HMGB1: variants seen among roughly 807,000 people sequenced by gnomAD.
The protein encoded by HMGB1 is high mobility group box 1.
For synonymous variants in HMGB1, 81 were observed against 84.0 expected, an observed-to-expected ratio of 0.96 and a Z score of 0.19; for missense variants, 79 against 253.5, an observed-to-expected ratio of 0.31 and a Z score of 4.67.
chr13:30,538,668 C>CTTTT (rs1566019170), intron 1 of HMGB1, among the ~76,000 whole-genome samples: 1 of 19,658 alleles, frequency 5.1e-5, no homozygotes, highest in South Asian at 1.6e-3. Context: ...TCTTTCCTTT[C>CTTTT]TTTCTTTCTT....
chr13:30,580,322 T>C (rs957561870), intron 1 of HMGB1, among the ~76,000 whole-genome samples: 1 of 152,208 alleles, frequency 6.6e-6, no homozygotes, highest in African/African-American at 2.4e-5. Context: ...TAAATCCCTA[T>C]ATTGCATTTA....
At chr13:30,612,746 C>G (rs943784882) in intron 1 of HMGB1, among the ~76,000 whole-genome samples, 1 of 151,972 alleles carries the variant, frequency 6.6e-6, no homozygotes, top group African/African-American at 2.4e-5. Flanking sequence ...GTTTCTTTAT[C>G]TGCACTTAAT....
At chr13:30,571,419 C>T (rs202031179) in intron 1 of HMGB1, among the ~76,000 whole-genome samples, 1 of 152,024 alleles carries the variant, frequency 6.6e-6, no homozygotes, top group Non-Finnish European at 1.5e-5. Flanking sequence ...CTCAGCCTCC[C>T]AAGTAGCTGG....
At chr13:30,558,879 A>C (rs1249915120) in intron 1 of HMGB1, among the ~76,000 whole-genome samples, 1 of 152,168 alleles carries the variant, frequency 6.6e-6, no homozygotes, top group East Asian at 1.9e-4. Flanking sequence ...GTTTTTCACA[A>C]GCCTCCAAGG....
rs147539330 is a variant in HMGB1, at chr13:30,616,046, T to C, written c.-15+625A>G. 1.0e-3 allele frequency among the ~76,000 whole-genome samples: 158 copies of C among 152,316 alleles called. 1 individual carries two copies. The highest frequency in any genetic ancestry group is 1.6e-3 in the Non-Finnish European group (112 of 68,010). ...AAAAAGCATTTCAAATATATAGGAA[T>C]AACCAGAAATGTATACAGTATTCTC... On this transcript the variant is annotated intron_variant, in intron 1 of 4. Transcript: ENST00000405805.
Position 30,463,714 on chromosome 13 carries a change from T to TTTGATG in HMGB1, c.-14-26_-14-21dup. 6.8e-7 allele frequency: 1 copy of TTTGATG among 1,468,142 alleles called. No individual in the cohort carries two copies. The highest frequency in any genetic ancestry group is 2.0e-5 in the Admixed American group (1 of 49,590). 90.9% of individuals were successfully genotyped at this position (1,468,142 alleles called of 1,614,324 possible). A position where few individuals can be genotyped will look rare whatever the true frequency, so the allele number is the denominator to read the frequency against. On this transcript the variant is annotated intron_variant, in intron 1 of 4. Coordinates refer to ENST00000341423, the MANE Select transcript of HMGB1 (RefSeq NM_002128.7). ...ATTTTTCTAAAAAATAAAATAAATA[T>TTTGATG]TTGATGTTAGCAATAAAATTATGAC...
rs190162162 is a variant in HMGB1 at position 30,491,859 on chromosome 13, A to G, written c.-14-28165T>C. ...GATAAACTAAACCTTGTCAACACTT[A>G]AAAATTTGCTCTTAGAAAGATATCA... On this transcript the variant is annotated intron_variant, in intron 1 of 4. Transcript: ENST00000405805. Among the ~76,000 whole-genome samples, 151 of 152,262 alleles carry G rather than the reference A, an allele frequency of 9.9e-4. 1 individual carries two copies. The highest frequency in any genetic ancestry group is 3.5e-3 in the African/African-American group (145 of 41,566).
chr13:30,509,096 C>T (rs910005754), intron 1 of HMGB1, among the ~76,000 whole-genome samples: 3 of 152,076 alleles, frequency 2.0e-5, no homozygotes, highest in African/African-American at 7.2e-5. Flanking sequence ...CCATGCCCTG[C>T]TAATTAAAAA....
At chr13:30,505,243 A>G (rs910726580) in intron 1 of HMGB1, among the ~76,000 whole-genome samples, 2 of 151,902 alleles carry the variant, frequency 1.3e-5, no homozygotes, top group African/African-American at 4.8e-5. Flanking sequence ...CAGTGGCGCC[A>G]TCTCAGCTCA....
chr13:30,597,185 T>C (rs1871652445), intron 1 of HMGB1, among the ~76,000 whole-genome samples: 1 of 151,784 alleles, frequency 6.6e-6, no homozygotes, highest in African/African-American at 2.4e-5. Flanking sequence ...AAAGAAGAGG[T>C]CATGGAGTGA....
chr13:30,573,700 G>C (rs1870528486), intron 1 of HMGB1, among the ~76,000 whole-genome samples: 1 of 151,556 alleles, frequency 6.6e-6, no homozygotes, highest in Non-Finnish European at 1.5e-5. Flanking sequence ...ACCCAGGTGG[G>C]AGTGCAATGG....
intron 1 of HMGB1, among the ~76,000 whole-genome samples, chr13:30,548,756 C>T (rs1029811027): frequency 2.0e-5 from 3 of 152,174 alleles, no homozygotes; most frequent in African/African-American, 7.2e-5. Context: ...CAGAACACCT[C>T]TCCATGGTAT....
intron 1 of HMGB1, chr13:30,543,104 C>A (rs995345009): frequency 6.7e-6 from 1 of 148,400 alleles, no homozygotes; most frequent in African/African-American, 2.5e-5. Context: ...CCTCCAGGCT[C>A]TGCCTGTTCC....
At chr13:30,571,536 T>C (rs182980626) in intron 1 of HMGB1, among the ~76,000 whole-genome samples, 1,941 of 152,264 alleles carry the variant, frequency 0.013, 22 homozygotes, top group Non-Finnish European at 0.017. Context: ...CCTTGTGATC[T>C]GCCCGCCTTA....
intron 1 of HMGB1, chr13:30,464,138 G>C (rs56128626): frequency 5.9e-6 from 5 of 851,354 alleles, no homozygotes; most frequent in Non-Finnish European, 5.2e-6. Context: ...CCTAATTATG[G>C]GACCTTAAAA....
chr13:30,572,735 C>T lies in HMGB1; in HGVS notation c.-15+43936G>A, dbSNP rs887465253. ...TTTCTGCTTTCTCTAATTCCAAAGA[C>T]CACTCTAAAGAATAAGTTATTTGTG... On this transcript the variant is annotated intron_variant, in intron 1 of 4. Coordinates refer to the HMGB1 transcript ENST00000405805. Among the ~76,000 whole-genome samples the T allele has an allele frequency of 7.2e-5, 11 of 152,162 alleles. No homozygotes were observed. In the East Asian group the frequency reaches 1.7e-3, roughly 24 times the overall value.
intron 1 of HMGB1, among the ~76,000 whole-genome samples, chr13:30,558,695 A>G (rs1436528276): frequency 2.0e-5 from 3 of 152,216 alleles, no homozygotes; most frequent in Admixed American, 6.5e-5. Flanking sequence ...AAGCCATTCA[A>G]GTGTCCCCCA....
At chr13:30,494,852 T>C (rs1020100990) in intron 1 of HMGB1, among the ~76,000 whole-genome samples, 19 of 152,318 alleles carry the variant, frequency 1.2e-4, no homozygotes, top group Admixed American at 2.6e-4. Flanking sequence ...TCTGTCTCTA[T>C]GAATTTGACT....
chr13:30,545,097 T>C (rs1869088757), intron 1 of HMGB1, among the ~76,000 whole-genome samples: 1 of 152,192 alleles, frequency 6.6e-6, no homozygotes, highest in African/African-American at 2.4e-5. Flanking sequence ...TCTGTTTGCA[T>C]TGATTTCCAT....
Sources: allele counts gnomAD v4.1 joint callset (sites outside exome capture counted in the v4.1 genomes callset), GRCh38; gene constraint gnomAD v4.1.1; transcripts MANE v1.5; gene names NCBI Gene and HGNC (gene_info 2026-07-23, HGNC 2026-07-21).